The following ITGB5 variants were observed in gnomAD, a reference collection of about 807,000 sequenced individuals.
ITGB5 encodes integrin subunit beta 5.
ITGB5 carries 38 observed loss-of-function variants against 84.8 expected under a neutral mutation model. That is an observed-to-expected ratio of 0.45 (90% CI 0.35 to 0.59). The LOEUF (loss-of-function observed/expected upper bound fraction) is 0.59. Ranked by LOEUF, ITGB5 falls within the 20% of genes least tolerant of loss-of-function variation. ITGB5 has a pLI of 0.01. For synonymous variants in ITGB5, 393 were observed against 414.4 expected (o/e 0.95, Z 0.63); for missense variants, 905 against 1,034.5 (o/e 0.87, Z 1.72).
At chr3:124,789,405 G>C (rs1340385662) in intron 10 of ITGB5, among the ~76,000 whole-genome samples, 2 of 150,982 alleles carry the variant, frequency 1.3e-5, no homozygotes, top group Non-Finnish European at 3.0e-5. Flanking sequence ...GACTAGACAG[G>C]GTTATCAGAA....
chr3:124,852,430 C>A (rs548864976), intron 3 of ITGB5, among the ~76,000 whole-genome samples: 32 of 152,076 alleles, frequency 2.1e-4, no homozygotes, highest in African/African-American at 7.5e-4. Flanking sequence ...GGCAGCCCCC[C>A]TCATGTCCTT....
chr3:124,809,290 T>G (rs2064460495), intron 8 of ITGB5, 134 bp from the exon 9 acceptor site: 1 of 903,746 alleles, frequency 1.1e-6, no homozygotes, highest in Admixed American at 2.2e-5. Flanking sequence ...GCCAGTGAGC[T>G]TGGTTCCCTG....
intron 9 of ITGB5, among the ~76,000 whole-genome samples, chr3:124,798,934 TG>T (rs2064275597): frequency 6.6e-6 from 1 of 152,180 alleles, no homozygotes; most frequent in African/African-American, 2.4e-5. Context: ...GGCAGCAAAC[TG>T]CTGTTTCAAA....
chr3:124,864,788 T>C (rs1456888904), intron 2 of ITGB5, among the ~76,000 whole-genome samples: 1 of 151,844 alleles, frequency 6.6e-6, no homozygotes, highest in Non-Finnish European at 1.5e-5. Context: ...ATGAATGACA[T>C]CCTGATGTCT....
intron 2 of ITGB5, among the ~76,000 whole-genome samples, chr3:124,870,343 A>G (rs1156696257): frequency 6.6e-6 from 1 of 152,262 alleles, no homozygotes; most frequent in Non-Finnish European, 1.5e-5. Context: ...CACCTAGCAG[A>G]CACACAATAA....
intron 9 of ITGB5, among the ~76,000 whole-genome samples, chr3:124,808,718 C>G (rs2107536432): frequency 6.6e-6 from 1 of 152,310 alleles, no homozygotes; most frequent in Admixed American, 6.5e-5. Context: ...ACTCTTTCTC[C>G]TGATTACAAC....
chr3:124,896,568 T>C (rs748202739), intron 1 of ITGB5, among the ~76,000 whole-genome samples: 4 of 148,900 alleles, frequency 2.7e-5, no homozygotes, highest in Non-Finnish European at 5.9e-5. Flanking sequence ...GCATGGGCAA[T>C]ATGGTGAAAG....
chr3:124,796,223 C>A (rs1023858618), intron 10 of ITGB5, among the ~76,000 whole-genome samples, 165 bp downstream of exon 10: 1 of 152,206 alleles, frequency 6.6e-6, no homozygotes. Flanking sequence ...CACACAGATC[C>A]CCACCTCCTG....
intron 2 of ITGB5, among the ~76,000 whole-genome samples, chr3:124,860,938 C>T (rs528387475): frequency 1.3e-5 from 2 of 152,164 alleles, no homozygotes; most frequent in South Asian, 2.1e-4. Context: ...TGGTGGCTCA[C>T]ACCTGTAATC....
At chr3:124,885,604 G>A (rs987611899) in intron 1 of ITGB5, among the ~76,000 whole-genome samples, 1 of 152,188 alleles carries the variant, frequency 6.6e-6, no homozygotes, top group Non-Finnish European at 1.5e-5. Context: ...GCAGGGGAGC[G>A]TTGACAACAA....
At chr3:124,838,759 G>A (rs890775001) in intron 5 of ITGB5, among the ~76,000 whole-genome samples, 5 of 151,988 alleles carry the variant, frequency 3.3e-5, no homozygotes, top group African/African-American at 4.8e-5. Context: ...CTGCCACCAC[G>A]CCCGGCTAAT....
intron 2 of ITGB5, 144 bp from the exon 3 acceptor site, chr3:124,859,590 TC>T: frequency 1.5e-6 from 1 of 647,462 alleles, no homozygotes. Context: ...GAAATGGTAA[TC>T]CCTATCCCAG....
At chr3:124,829,211 C>CT (rs1173684388) in intron 5 of ITGB5, among the ~76,000 whole-genome samples, 4 of 152,150 alleles carry the variant, frequency 2.6e-5, no homozygotes, top group African/African-American at 9.7e-5. Flanking sequence ...AATATATTCT[C>CT]TTTTTATAAA....
chr3:124,808,476 T>C (rs1187433927), intron 9 of ITGB5, among the ~76,000 whole-genome samples: 1 of 152,216 alleles, frequency 6.6e-6, no homozygotes, highest in Non-Finnish European at 1.5e-5. Context: ...AGTCCTTGGT[T>C]TAGCGCAGAG....
intron 1 of ITGB5, among the ~76,000 whole-genome samples, chr3:124,878,448 A>G (rs1934424204): frequency 1.3e-5 from 2 of 152,262 alleles, no homozygotes; most frequent in African/African-American, 4.8e-5. Context: ...AAATATTCAC[A>G]TGGAAAAGTA....
chr3:124,791,753 G>A (rs1288525129), intron 10 of ITGB5: 2 of 152,240 alleles, frequency 1.3e-5, no homozygotes, highest in Non-Finnish European at 2.9e-5. Context: ...CAAGAGCAGA[G>A]TGGTGGCTGG....
At chr3:124,799,192 G>GA (rs2064278476) in intron 9 of ITGB5, among the ~76,000 whole-genome samples, 4 of 152,222 alleles carry the variant, frequency 2.6e-5, no homozygotes, top group African/African-American at 9.6e-5. Context: ...AGGTCTCGAG[G>GA]TACAGGGAGT....
chr3:124,773,661 T>G (rs1481822469), intron 11 of ITGB5, 29 bp downstream of exon 11: 3 of 1,603,374 alleles, frequency 1.9e-6, no homozygotes, highest in African/African-American at 2.7e-5. Flanking sequence ...GGGTGAGAAG[T>G]AAGGTGGGGC....
chr3:124,816,357 G>A (rs905870552), intron 8 of ITGB5, among the ~76,000 whole-genome samples: 2 of 152,240 alleles, frequency 1.3e-5, no homozygotes, highest in Non-Finnish European at 2.9e-5. Flanking sequence ...CTGCTGGGAA[G>A]GCAAGATGAC....
Sources: allele counts gnomAD v4.1 joint callset (sites outside exome capture counted in the v4.1 genomes callset), GRCh38; gene constraint gnomAD v4.1.1; transcripts MANE v1.5; gene names NCBI Gene and HGNC (gene_info 2026-07-23, HGNC 2026-07-21).